ADRA1A: variants seen among roughly 807,000 people sequenced by gnomAD.
ADRA1A encodes alpha-1A adrenergic receptor.
Under a neutral mutation model 29.6 loss-of-function variants are expected in ADRA1A, and 31 were observed. The ratio of observed to expected loss-of-function variants is 1.05; its 90% CI spans 0.79 to 1.41. ADRA1A has a LOEUF of 1.41. Ranked by LOEUF, ADRA1A falls within the 40% of genes most tolerant of loss-of-function variation. ADRA1A has a pLI of 0.00. For missense variants in ADRA1A, 619 were observed against 601.1 expected (o/e 1.03, Z -0.31); for synonymous variants, 311 against 254.3 (o/e 1.22, Z -2.12).
intron 2 of ADRA1A, among the ~76,000 whole-genome samples, chr8:26,811,920 T>G (rs1037690733): frequency 6.6e-6 from 1 of 152,232 alleles, no homozygotes; most frequent in Non-Finnish European, 1.5e-5. Context: ...TTGTTCCTTT[T>G]TATTTATAGT....
intron 2 of ADRA1A, among the ~76,000 whole-genome samples, chr8:26,832,062 C>T (rs2130653015): frequency 6.6e-6 from 1 of 152,344 alleles, no homozygotes; most frequent in Non-Finnish European, 1.5e-5. Flanking sequence ...CCTTCTCTTC[C>T]CCCTCCCAAT....
At chr8:26,857,427 G>T (rs534289324) in intron 2 of ADRA1A, among the ~76,000 whole-genome samples, 1 of 152,218 alleles carries the variant, frequency 6.6e-6, no homozygotes, top group Non-Finnish European at 1.5e-5. Context: ...AATGTTTTGG[G>T]AGGCTAAAGA....
intron 2 of ADRA1A, among the ~76,000 whole-genome samples, chr8:26,837,650 C>CAAAAAAA (rs372072664): frequency 7.8e-6 from 1 of 128,610 alleles, no homozygotes; most frequent in African/African-American, 2.9e-5. Flanking sequence ...GACTCTGTCT[C>CAAAAAAA]AAAAAAAAAA....
intron 2 of ADRA1A, among the ~76,000 whole-genome samples, chr8:26,760,376 A>C (rs1183153839): frequency 6.6e-6 from 1 of 152,186 alleles, no homozygotes; most frequent in Non-Finnish European, 1.5e-5. Context: ...GGTGGTCTTC[A>C]GAAGGTCGAA....
chr8:26,764,195 G>T (rs763493207), downstream of ADRA1A, among the ~76,000 whole-genome samples: 3 of 152,152 alleles, frequency 2.0e-5, no homozygotes, highest in African/African-American at 4.8e-5. Context: ...ACCGGGAAAA[G>T]AATTATTTCC....
chr8:26,857,155 A>G (rs2644628), intron 2 of ADRA1A, among the ~76,000 whole-genome samples: 133,851 of 152,126 alleles, frequency 0.88, 59,691 homozygotes, highest in Non-Finnish European at 0.95. Flanking sequence ...TTCTGCCTTG[A>G]CTTTCTTGGG....
chr8:26,834,397 T>C (rs1348213425), intron 2 of ADRA1A, among the ~76,000 whole-genome samples: 1 of 152,198 alleles, frequency 6.6e-6, no homozygotes, highest in Non-Finnish European at 1.5e-5. Context: ...GGTGAAAAAC[T>C]AAAATGAGAT....
downstream of ADRA1A, among the ~76,000 whole-genome samples, chr8:26,752,859 A>G (rs1250383964): frequency 6.6e-6 from 1 of 152,182 alleles, no homozygotes; most frequent in African/African-American, 2.4e-5. Context: ...ATTTCCTTAA[A>G]TCTTTAACTT....
At position 26,812,810 on chromosome 8, in the gene ADRA1A, G is replaced by A. The variant is rs375395942; in HGVS notation, c.884-42144C>T. ...CTCCCGAGTAGCTGGGATTACAGGC[G>A]CCCGCCACCACGCCAGGCTAATTTT... On this transcript the variant is annotated intron_variant, in intron 2 of 2. Coordinates refer to ENST00000380573, the MANE Select transcript of ADRA1A (RefSeq NM_000680.4). Among the ~76,000 whole-genome samples the A allele has an allele frequency of 8.1e-4, 123 of 151,480 alleles. No individual in the cohort carries two copies. In the South Asian group the frequency reaches 0.019, roughly 23 times the overall value.
Position 26,821,733 on chromosome 8 carries a change from A to G in ADRA1A, c.883+42354T>C, listed in dbSNP as rs1261005013. 6.6e-6 allele frequency among the ~76,000 whole-genome samples: 1 copy of G among 151,326 alleles called. No individual in the cohort carries two copies. The highest frequency in any genetic ancestry group is 1.5e-5 in the Non-Finnish European group (1 of 67,614). ...AGGAGCTCTCAAATAGTCCTTTTAT[A>G]GCCATACCCACTTCCCTTCTGCCCC... On this transcript the variant is annotated intron_variant, in intron 2 of 2. Coordinates refer to ENST00000380573, the MANE Select transcript of ADRA1A (RefSeq NM_000680.4). This position sits in a 1 kb window ranked among gnomAD's most constrained non-coding sequence, Gnocchi z 5.6.
intron 2 of ADRA1A, among the ~76,000 whole-genome samples, chr8:26,808,254 C>T (rs974497811): frequency 1.3e-5 from 2 of 152,180 alleles, no homozygotes; most frequent in Non-Finnish European, 2.9e-5. Flanking sequence ...CTACATATTG[C>T]TTTTTCCACT....
chr8:26,753,387 C>T (rs1224289046), downstream of ADRA1A, among the ~76,000 whole-genome samples: 1 of 152,034 alleles, frequency 6.6e-6, no homozygotes, highest in Non-Finnish European at 1.5e-5. Context: ...TTGAATGCGG[C>T]CCCTGTACAC....
chr8:26,783,633 T>A (rs753060441), intron 2 of ADRA1A, among the ~76,000 whole-genome samples: 1 of 152,090 alleles, frequency 6.6e-6, no homozygotes, highest in Non-Finnish European at 1.5e-5. Flanking sequence ...AGGATCAACA[T>A]GGGAAGTGGT....
intron 2 of ADRA1A, among the ~76,000 whole-genome samples, chr8:26,847,429 C>T (rs1812293157): frequency 6.6e-6 from 1 of 152,064 alleles, no homozygotes; most frequent in Non-Finnish European, 1.5e-5. Flanking sequence ...AAACCCATTT[C>T]TGAGATTGTT....
intron 2 of ADRA1A, among the ~76,000 whole-genome samples, chr8:26,837,273 A>G (rs564830): frequency 0.56 from 84,978 of 152,076 alleles, 25,121 homozygotes; most frequent in African/African-American, 0.7. Flanking sequence ...AATATCTCCA[A>G]GTGCGGTGCA....
At chr8:26,819,060 G>T (rs1809970549) in intron 2 of ADRA1A, among the ~76,000 whole-genome samples, 1 of 152,082 alleles carries the variant, frequency 6.6e-6, no homozygotes, top group Admixed American at 6.5e-5. Context: ...ATTATTAAAA[G>T]TCAAAGACAA....
chr8:26,826,084 C>T (rs1287293154), intron 2 of ADRA1A, among the ~76,000 whole-genome samples: 1 of 152,240 alleles, frequency 6.6e-6, no homozygotes, highest in Non-Finnish European at 1.5e-5. Flanking sequence ...TGAGCTAGTA[C>T]TTCCTGCCCC....
chr8:26,824,022 C>G (rs950556749), intron 2 of ADRA1A, among the ~76,000 whole-genome samples: 1 of 152,148 alleles, frequency 6.6e-6, no homozygotes, highest in African/African-American at 2.4e-5. Flanking sequence ...CTCCCCCTGC[C>G]TCTTCTTGCT....
At chr8:26,826,942 G>GA (rs1437651292) in intron 2 of ADRA1A, among the ~76,000 whole-genome samples, 1 of 152,162 alleles carries the variant, frequency 6.6e-6, no homozygotes, top group Non-Finnish European at 1.5e-5. Context: ...TAGGAAAAAT[G>GA]AAAAAACTTA....
Sources: allele counts gnomAD v4.1 joint callset (sites outside exome capture counted in the v4.1 genomes callset), GRCh38; gene constraint gnomAD v4.1.1; non-coding constraint Gnocchi (gnomAD v3.1); transcripts MANE v1.5; gene names NCBI Gene and HGNC (gene_info 2026-07-23, HGNC 2026-07-21).